The following WT1 variants were observed in gnomAD, a reference collection of about 807,000 sequenced individuals.
WT1 encodes WT1 transcription factor, also known as Wilms tumor protein.
WT1 carries 8 observed loss-of-function variants against 60.8 expected under a neutral mutation model. The observed-to-expected ratio is 0.13, with a 90% CI of 0.08 to 0.24. The LOEUF is 0.24. Ranked by LOEUF, WT1 falls within the 10% of genes least tolerant of loss-of-function variation. WT1 has a pLI of 1.00. For missense variants in WT1, 568 were observed against 711.8 expected (o/e 0.80, Z 2.30); for synonymous variants, 312 against 297.1 (o/e 1.05, Z -0.52).
chr11:32,434,941 CGGCGGCGGCGGG>C lies in WT1; in HGVS notation c.408_419del (p.Pro138_Pro141del). The C allele has an allele frequency of 6.4e-7, 1 of 1,568,942 alleles. No homozygotes were observed. Among genetic ancestry groups the C allele is most frequent in the African/African-American group, 1.4e-5 (1 of 73,564 alleles). On this transcript the variant is annotated inframe_deletion, in exon 1 of 10. Coordinates refer to ENST00000452863, the MANE Select transcript of WT1 (RefSeq NM_024426.6). ...GCTCCTGTTTGATGAAGGAGTGAGG[CGGCGGCGGCGGG>C]GGTGGCGGCGGAGCCGGTGGCGGCG... is the stretch of plus-strand genomic sequence containing the variant.
At chr11:32,421,205 C>A (rs1334415165) in intron 3 of WT1, among the ~76,000 whole-genome samples, 1 of 152,176 alleles carries the variant, frequency 6.6e-6, no homozygotes, top group Non-Finnish European at 1.5e-5. Context: ...CGCTCAACAC[C>A]CAGCTCTCAT....
chr11:32,410,394 TGCA>T (rs1852458965), intron 5 of WT1, among the ~76,000 whole-genome samples: 1 of 152,222 alleles, frequency 6.6e-6, no homozygotes, highest in South Asian at 2.1e-4. Flanking sequence ...TGCTCCCTTT[TGCA>T]GCAGAACTCC....
chr11:32,420,642 T>G (rs2133047267), intron 3 of WT1, among the ~76,000 whole-genome samples: 1 of 152,194 alleles, frequency 6.6e-6, no homozygotes, highest in East Asian at 1.9e-4. Context: ...CCTGCCCCTA[T>G]GAAGGCATCC....
chr11:32,406,805 A>T (rs925134882), intron 5 of WT1, among the ~76,000 whole-genome samples: 4 of 152,188 alleles, frequency 2.6e-5, no homozygotes, highest in African/African-American at 9.7e-5. Flanking sequence ...CAGCTTTAAA[A>T]TGCATAAACA....
At chr11:32,417,267 A>G (rs890317541) in intron 4 of WT1, among the ~76,000 whole-genome samples, 2 of 152,228 alleles carry the variant, frequency 1.3e-5, no homozygotes, top group Non-Finnish European at 2.9e-5. Context: ...CAACTGTGAT[A>G]TCATAGTAAA....
chr11:32,428,285 T>C (rs913864075), intron 2 of WT1, among the ~76,000 whole-genome samples: 55 of 152,340 alleles, frequency 3.6e-4, no homozygotes, highest in Admixed American at 5.9e-4. Flanking sequence ...CGGACATTCA[T>C]AGACTTAGTT....
At chr11:32,397,117 G>C (rs902890783) in intron 6 of WT1, among the ~76,000 whole-genome samples, 15 of 152,210 alleles carry the variant, frequency 9.9e-5, no homozygotes, top group Non-Finnish European at 1.2e-4. Context: ...GAAGTGCAGT[G>C]TGTGTGTTGT....
At chr11:32,405,859 G>C (rs1852292766) in intron 5 of WT1, among the ~76,000 whole-genome samples, 1 of 152,228 alleles carries the variant, frequency 6.6e-6, no homozygotes. Flanking sequence ...GGCAGAGCTA[G>C]AGTTTGAGTC....
At position 32,435,333 on chromosome 11, in the gene WT1, C is replaced by T. The variant is rs1351753257; in HGVS notation, c.28G>A (p.Ala10Thr). The T allele has an allele frequency of 3.3e-6, 5 of 1,531,534 alleles. No homozygotes were observed. Among genetic ancestry groups the T allele is most frequent in the Non-Finnish European group, 3.5e-6 (4 of 1,145,818 alleles). The allele number at this position is 1,531,534 out of a possible 1,614,324, so 94.9% of individuals were successfully genotyped here. The change falls in exon 1 of 10, where the codon GCT becomes ACT. Residue 10 changes from alanine to threonine, a missense_variant. By Grantham distance (58) the Ala-to-Thr change is moderately conservative. This residue lies in a region of WT1 where 523 missense variants were observed against 565.1 expected (regional missense o/e 0.93). Transcript: ENST00000452863. Reference sequence around the variant, plus strand: ...GCCGGCTCCGGGACACACGTGGAAGCCGGGTCCTGCAGCAAGAGGAAGTCC... The same window carrying T: ...GCCGGCTCCGGGACACACGTGGAAGTCGGGTCCTGCAGCAAGAGGAAGTCC...
intron 5 of WT1, chr11:32,400,397 G>A: frequency 2.6e-6 from 1 of 388,072 alleles, no homozygotes; most frequent in Non-Finnish European, 5.0e-6. Context: ...GGTATCTCAG[G>A]AATGAGCAGA....
chr11:32,416,368 T>G lies in WT1; in HGVS notation c.1016+122A>C, dbSNP rs2234587. 0.29 allele frequency: 352,003 copies of G among 1,223,476 alleles called. 59,548 individuals are homozygous for G. Among genetic ancestry groups the G allele is most frequent in the East Asian group, 0.69 (29,654 of 42,944 alleles). The allele number at this position is 1,223,476 out of a possible 1,614,324, so 75.8% of individuals were successfully genotyped here. On this transcript the variant is annotated intron_variant, in intron 5 of 9. Coordinates refer to ENST00000452863, the MANE Select transcript of WT1 (RefSeq NM_024426.6). ...AAGAGGTGGGGGCGGGGGAGAGAGATTCTTCCCATCCACCAAATGCTACCC... is the reference window on the plus strand; with the variant it reads ...AAGAGGTGGGGGCGGGGGAGAGAGAGTCTTCCCATCCACCAAATGCTACCC...
intron 3 of WT1, among the ~76,000 whole-genome samples, chr11:32,427,170 C>A (rs1365442996): frequency 6.6e-6 from 1 of 152,246 alleles, no homozygotes. Context: ...CTTCCAGCCC[C>A]GTGCGGGCTG....
intron 1 of WT1, among the ~76,000 whole-genome samples, chr11:32,434,061 G>C (rs1853399473): frequency 6.6e-6 from 1 of 151,846 alleles, no homozygotes; most frequent in African/African-American, 2.4e-5. Flanking sequence ...ATCCACTTCT[G>C]TATTACCATA....
In WT1 at chr11:32,434,814, C is replaced by G. The variant is rs1462705405; in HGVS notation, c.547G>C (p.Gly183Arg). The G allele has an allele frequency of 3.7e-6, 6 of 1,612,470 alleles. No homozygotes were observed. Among genetic ancestry groups the G allele is most frequent in the East Asian group, 2.2e-5 (1 of 44,846 alleles). The change falls in exon 1 of 10, where the codon GGG becomes CGG. Residue 183 changes from glycine to arginine, a missense_variant. Transcript: ENST00000452863. The stretch of plus-strand genomic sequence containing the variant: ...CTGGGCGGAGGAGGACCGAAGGGCC[C>G]GTAGCGACAGGCTCCGGCTGTGCCA...
intron 9 of WT1, among the ~76,000 whole-genome samples, chr11:32,391,298 A>G (rs1408110329): frequency 6.6e-6 from 1 of 152,212 alleles, no homozygotes; most frequent in African/African-American, 2.4e-5. Flanking sequence ...TACTCTACTT[A>G]CAAGCATGTT....
At chr11:32,425,744 G>GA (rs1590389681) in intron 3 of WT1, among the ~76,000 whole-genome samples, 1 of 152,124 alleles carries the variant, frequency 6.6e-6, no homozygotes, top group African/African-American at 2.4e-5. Flanking sequence ...CTGTGAGAGG[G>GA]AAAAATAGTA....
At chr11:32,397,401 G>A (rs1314831900) in intron 6 of WT1, among the ~76,000 whole-genome samples, 1 of 151,934 alleles carries the variant, frequency 6.6e-6, no homozygotes, top group African/African-American at 2.4e-5. Flanking sequence ...CTGCAGCCTC[G>A]ACCTCACCAG....
intron 5 of WT1, among the ~76,000 whole-genome samples, chr11:32,407,131 T>C (rs538474909): frequency 1.3e-5 from 2 of 151,958 alleles, no homozygotes; most frequent in African/African-American, 4.8e-5. Flanking sequence ...AAAAAATGCA[T>C]ACACACTTTC....
chr11:32,429,471 C>CA (rs1263059018), intron 1 of WT1, among the ~76,000 whole-genome samples: 2 of 148,626 alleles, frequency 1.3e-5, no homozygotes, highest in African/African-American at 4.9e-5. Flanking sequence ...TTCCCCCCCC[C>CA]CCCCAAAGTG....
Sources: gnomAD v4.1 joint callset for allele counts (sites outside exome capture counted in the v4.1 genomes callset) on GRCh38, gnomAD v4.1.1 for gene constraint, gnomAD v4.1.1 regional missense constraint, MANE v1.5 for transcripts, NCBI Gene and HGNC (gene_info 2026-07-23, HGNC 2026-07-21) for gene names.